The following PRKCA variants were observed in gnomAD, a reference collection of about 807,000 sequenced individuals.
PRKCA encodes protein kinase C alpha type.
Under a neutral mutation model 87.0 loss-of-function variants are expected in PRKCA, and 27 were observed. That is an observed-to-expected ratio of 0.31 (90% CI 0.23 to 0.43). The LOEUF (loss-of-function observed/expected upper bound fraction) is 0.43. PRKCA is among the 20% of genes least tolerant of loss of function. The probability of loss-of-function intolerance (pLI) is 1.00; values close to 1 mark genes in which losing one functional copy is unlikely to be tolerated. For synonymous variants in PRKCA, 329 were observed against 311.1 expected (o/e 1.06, Z -0.61); for missense variants, 518 against 852.3 (o/e 0.61, Z 4.88).
intron 8 of PRKCA, among the ~76,000 whole-genome samples, chr17:66,719,541 T>C (rs940490958): frequency 3.0e-4 from 46 of 152,190 alleles, no homozygotes; most frequent in Admixed American, 2.0e-3. Flanking sequence ...CCGAGGTGGG[T>C]GGATCACTTG....
At chr17:66,304,471 T>C (rs1372857081) in intron 1 of PRKCA, among the ~76,000 whole-genome samples, 2 of 152,180 alleles carry the variant, frequency 1.3e-5, no homozygotes, top group Admixed American at 1.3e-4. Flanking sequence ...GAGCTATGGC[T>C]AGGGCTTCTT....
chr17:66,735,903 T>A (rs1004588854), intron 10 of PRKCA, among the ~76,000 whole-genome samples: 17 of 146,324 alleles, frequency 1.2e-4, no homozygotes, highest in African/African-American at 4.3e-4. Flanking sequence ...TTTCTTTTTC[T>A]TTTTCTTTCT....
chr17:66,324,445 TAC>T (rs1905857799), intron 2 of PRKCA, among the ~76,000 whole-genome samples: 1 of 26,256 alleles, frequency 3.8e-5, no homozygotes, highest in Non-Finnish European at 8.3e-5. Context: ...CTACTAAAAA[TAC>T]AAAAAAAAAA....
chr17:66,329,901 G>A (rs540376559), intron 2 of PRKCA, among the ~76,000 whole-genome samples: 1 of 152,162 alleles, frequency 6.6e-6, no homozygotes, highest in Admixed American at 6.5e-5. Flanking sequence ...TTTTCAACCA[G>A]CCGGGATGAA....
chr17:66,539,499 G>T (rs888182310), intron 3 of PRKCA, among the ~76,000 whole-genome samples: 1 of 151,730 alleles, frequency 6.6e-6, no homozygotes, highest in Non-Finnish European at 1.5e-5. Flanking sequence ...CGCCTCTCAG[G>T]TTCACGCCAT....
intron 3 of PRKCA, among the ~76,000 whole-genome samples, chr17:66,499,077 G>A (rs1471811000): frequency 3.3e-5 from 5 of 152,180 alleles, no homozygotes; most frequent in Non-Finnish European, 7.4e-5. Context: ...CTGACGCTGG[G>A]AGTCAGTTGA....
At chr17:66,708,288 C>A (rs1973237353) in intron 8 of PRKCA, among the ~76,000 whole-genome samples, 1 of 152,220 alleles carries the variant, frequency 6.6e-6, no homozygotes, top group Non-Finnish European at 1.5e-5. Context: ...TCACCTTGAG[C>A]AGAGGTGTTT....
chr17:66,436,486 G>A (rs539628299), intron 2 of PRKCA, among the ~76,000 whole-genome samples: 9 of 152,300 alleles, frequency 5.9e-5, no homozygotes, highest in African/African-American at 9.6e-5. Context: ...AGTGCCTGGC[G>A]TGTGGTAAGT....
intron 5 of PRKCA, among the ~76,000 whole-genome samples, chr17:66,653,482 T>C (rs891269695): frequency 4.6e-5 from 7 of 152,156 alleles, no homozygotes; most frequent in Admixed American, 6.5e-5. Context: ...TCCCAGCTAC[T>C]CAGGAGGCTG....
At chr17:66,722,628 G>A (rs1026021468) in intron 8 of PRKCA, among the ~76,000 whole-genome samples, 2 of 152,158 alleles carry the variant, frequency 1.3e-5, no homozygotes, top group Admixed American at 1.3e-4. Context: ...ATGTATCTGT[G>A]GTATAAAGTG....
intron 2 of PRKCA, among the ~76,000 whole-genome samples, chr17:66,366,318 T>G (rs1431127013): frequency 6.6e-6 from 1 of 152,226 alleles, no homozygotes; most frequent in African/African-American, 2.4e-5. Flanking sequence ...AAAGTATGCT[T>G]TAAAGCAAAC....
chr17:66,337,248 G>A (rs760502505), intron 2 of PRKCA, among the ~76,000 whole-genome samples: 3 of 152,130 alleles, frequency 2.0e-5, no homozygotes, highest in South Asian at 2.1e-4. Flanking sequence ...GAGGATGAAG[G>A]CGAGGCAAAG....
intron 2 of PRKCA, among the ~76,000 whole-genome samples, chr17:66,448,234 G>A (rs1914132886): frequency 6.6e-6 from 1 of 152,114 alleles, no homozygotes. Context: ...CTAAACCTTA[G>A]GAAAACGTGG....
At chr17:66,446,238 A>AACAC (rs202026912) in intron 2 of PRKCA, among the ~76,000 whole-genome samples, 226 of 150,890 alleles carry the variant, frequency 1.5e-3, no homozygotes, top group Middle Eastern at 0.01. Flanking sequence ...CTCTCTTCCC[A>AACAC]ACACACACAC....
chr17:66,444,500 CT>C (rs1393477672), intron 2 of PRKCA, among the ~76,000 whole-genome samples: 3 of 152,176 alleles, frequency 2.0e-5, no homozygotes, highest in African/African-American at 7.2e-5. Context: ...CAGAGCTAGG[CT>C]GCTTAAGGCA....
At chr17:66,324,099 CA>C (rs1266553837) in intron 2 of PRKCA, among the ~76,000 whole-genome samples, 3 of 151,710 alleles carry the variant, frequency 2.0e-5, no homozygotes, top group Non-Finnish European at 4.4e-5. Context: ...CATCTGGTGG[CA>C]AAGAAAGCAG....
At chr17:66,688,233 T>G in intron 6 of PRKCA, 69 bp from the exon 7 acceptor site, 1 of 1,579,310 alleles carries the variant, frequency 6.3e-7, no homozygotes, top group Non-Finnish European at 8.6e-7. Flanking sequence ...TCGAGTCATA[T>G]ACATGTGGTA....
intron 2 of PRKCA, among the ~76,000 whole-genome samples, chr17:66,373,505 C>G (rs939606632): frequency 6.6e-6 from 1 of 152,160 alleles, no homozygotes; most frequent in Non-Finnish European, 1.5e-5. Flanking sequence ...ATGAATACCC[C>G]AAAATATTCA....
At chr17:66,498,275 C>T (rs1442839189) in intron 3 of PRKCA, among the ~76,000 whole-genome samples, 1 of 152,192 alleles carries the variant, frequency 6.6e-6, no homozygotes, top group Non-Finnish European at 1.5e-5. Context: ...AGCCAAGTCC[C>T]ATTGCACTTG....
Sources: allele counts gnomAD v4.1 joint callset (sites outside exome capture counted in the v4.1 genomes callset), GRCh38; gene constraint gnomAD v4.1.1; transcripts MANE v1.5; gene names NCBI Gene and HGNC (gene_info 2026-07-23, HGNC 2026-07-21).